TBX4: variants seen among roughly 807,000 people sequenced by gnomAD.
The protein encoded by TBX4 is T-box transcription factor 4.
In TBX4, 13 loss-of-function variants were observed where a neutral mutation model predicts 54.6. That is an observed-to-expected ratio of 0.24 (90% CI 0.15 to 0.38). The LOEUF (loss-of-function observed/expected upper bound fraction) is 0.38, where lower values mean the gene tolerates loss of function less well. Among genes scored for constraint, TBX4 ranks in the 10% least tolerant of loss-of-function variants. The pLI is 1.00. For missense variants in TBX4, 631 were observed against 728.5 expected (o/e 0.87, Z 1.54); for synonymous variants, 314 against 306.7 (o/e 1.02, Z -0.25).
At position 61,480,017 on chromosome 17, in the gene TBX4, A is replaced by G; in HGVS notation, c.791+48A>G. Reference sequence around the variant, plus strand: ...TGGGGCGGGCAGATGGGATTCAGGCACGTGGCCTCTGTGACCCTCGATGTA... The same window carrying G: ...TGGGGCGGGCAGATGGGATTCAGGCGCGTGGCCTCTGTGACCCTCGATGTA... On this transcript the variant is annotated intron_variant, in intron 7 of 8. Coordinates refer to ENST00000644296, the MANE Select transcript of TBX4 (RefSeq NM_001321120.2). The surrounding 1 kb of genome is among the most constrained non-coding windows in gnomAD (Gnocchi z 6.2). The G allele has an allele frequency of 2.5e-6, 4 of 1,612,576 alleles. No individual in the cohort carries two copies. The highest frequency in any genetic ancestry group is 3.4e-6 in the Non-Finnish European group (4 of 1,178,692).
At chr17:61,458,304 G>T (rs2060469609) in intron 3 of TBX4, among the ~76,000 whole-genome samples, 1 of 151,382 alleles carries the variant, frequency 6.6e-6, no homozygotes, top group South Asian at 2.1e-4. Flanking sequence ...GGCGGGGGTG[G>T]GGGTGAGTGA....
intron 5 of TBX4, among the ~76,000 whole-genome samples, chr17:61,467,954 A>G (rs1603251651): frequency 6.6e-6 from 1 of 152,238 alleles, no homozygotes; most frequent in Non-Finnish European, 1.5e-5. Context: ...TGAGACTTAA[A>G]TGAGAGGGTT....
At chr17:61,466,648 A>G (rs936486218) in intron 4 of TBX4, among the ~76,000 whole-genome samples, 1 of 152,184 alleles carries the variant, frequency 6.6e-6, no homozygotes, top group African/African-American at 2.4e-5. Flanking sequence ...AGAGCTGGAG[A>G]GATTGGGCCG....
chr17:61,474,041 G>A lies in TBX4; in HGVS notation c.550-4586G>A, dbSNP rs892355236. ...TCCTTGGATGCACCTCTTATCATCC[G>A]GGGTCTCAGTTTTCTTTCTTTCCTT... On this transcript the variant is annotated intron_variant, in intron 5 of 8. Coordinates refer to ENST00000644296, the MANE Select transcript of TBX4 (RefSeq NM_001321120.2). This position sits in a 1 kb window ranked among gnomAD's most constrained non-coding sequence, Gnocchi z 4.6. 3.9e-5 allele frequency among the ~76,000 whole-genome samples: 6 copies of A among 152,240 alleles called. No individual in the cohort carries two copies. The highest frequency in any genetic ancestry group is 7.4e-5 in the Non-Finnish European group (5 of 68,016).
In TBX4 at chr17:61,462,293, G is replaced by A. The variant is rs2060500227; in HGVS notation, c.282-3526G>A. Among the ~76,000 whole-genome samples the A allele has an allele frequency of 6.6e-6, 1 of 152,308 alleles. No individual in the cohort carries two copies. Among genetic ancestry groups the A allele is most frequent in the Non-Finnish European group, 1.5e-5 (1 of 68,028 alleles). On this transcript the variant is annotated intron_variant, in intron 3 of 8. Transcript: ENST00000644296. This position sits in a 1 kb window ranked among gnomAD's most constrained non-coding sequence, Gnocchi z 4.5. ...CGGGCTTTCATCTCCTCCCGGGCCG[G>A]CGAGCAGGCGGCTTGTTTATTCCCC...
chr17:61,457,663 G>A lies in TBX4; in HGVS notation c.281+32G>A, dbSNP rs2143796450. ...GCTGGGAGATTTACTTCCGGGGATG[G>A]CGGTGGGGAGCAAGGGGGGCCAGGG... On this transcript the variant is annotated intron_variant, in intron 3 of 8. Transcript: ENST00000644296. This position sits in a 1 kb window ranked among gnomAD's most constrained non-coding sequence, Gnocchi z 8.2. 6.2e-7 allele frequency: 1 copy of A among 1,606,708 alleles called. No homozygotes were observed. The highest frequency in any genetic ancestry group is 1.3e-5 in the African/African-American group (1 of 74,916).
intron 4 of TBX4, 130 bp downstream of exon 4, chr17:61,466,068 T>A: frequency 7.0e-7 from 1 of 1,423,176 alleles, no homozygotes; most frequent in Non-Finnish European, 9.8e-7. Context: ...TGGAGTCCAC[T>A]GCCTGGAACT....
rs112616851 is a variant in TBX4 at position 61,476,989 on chromosome 17, C to G, written c.550-1638C>G. ...TGCCATAAAAGAGCCTGACTCTGGC[C>G]TTTCTCTTGGCACTCTGGTCACTAA... On this transcript the variant is annotated intron_variant, in intron 5 of 8. Coordinates refer to ENST00000644296, the MANE Select transcript of TBX4 (RefSeq NM_001321120.2). This position sits in a 1 kb window ranked among gnomAD's most constrained non-coding sequence, Gnocchi z 6.5. 4.4e-3 allele frequency among the ~76,000 whole-genome samples: 669 copies of G among 152,350 alleles called. 12 individuals carry two copies. The highest frequency in any genetic ancestry group is 0.014 in the African/African-American group (601 of 41,584).
chr17:61,458,623 T>C (rs2060472124), intron 3 of TBX4, among the ~76,000 whole-genome samples: 1 of 151,978 alleles, frequency 6.6e-6, no homozygotes, highest in Non-Finnish European at 1.5e-5. Context: ...ACTCAGCTAC[T>C]TTCATCTGTG....
intron 5 of TBX4, among the ~76,000 whole-genome samples, chr17:61,473,498 T>G (rs2060595956): frequency 6.6e-6 from 1 of 152,230 alleles, no homozygotes; most frequent in African/African-American, 2.4e-5. Flanking sequence ...AAGCTTATGC[T>G]GCTAATCTGC....
chr17:61,460,379 C>T lies in TBX4; in HGVS notation c.281+2748C>T, dbSNP rs1194101602. 1.3e-5 allele frequency: 2 copies of T among 152,226 alleles called. No homozygotes were observed. Among genetic ancestry groups the T allele is most frequent in the Non-Finnish European group, 2.9e-5 (2 of 68,062 alleles). The allele number at this position is 152,226 out of a possible 1,614,324, so 9.4% of individuals were successfully genotyped here. On this transcript the variant is annotated intron_variant, in intron 3 of 8. Transcript: ENST00000644296. The surrounding 1 kb of genome is among the most constrained non-coding windows in gnomAD (Gnocchi z 4.4). ...GGTTGAGTTCTCAGATCACAAGTTT[C>T]CTTCCTACCTTAGCCCTTTGGGTCC...
rs1001658506 is a variant in TBX4 at position 61,464,038 on chromosome 17, C to T, written c.282-1781C>T. Among the ~76,000 whole-genome samples, 3 of 152,202 alleles carry T rather than the reference C, an allele frequency of 2.0e-5. No individual in the cohort carries two copies. The highest frequency in any genetic ancestry group is 2.4e-5 in the African/African-American group (1 of 41,444). On this transcript the variant is annotated intron_variant, in intron 3 of 8. Transcript: ENST00000644296. This position sits in a 1 kb window ranked among gnomAD's most constrained non-coding sequence, Gnocchi z 5.8. Reference sequence around the variant, plus strand: ...CCTGAGCCCCTCACTTCCCCCATTCCTGGAGAGGGGGTGGGGTGGGTATTT... The same window carrying T: ...CCTGAGCCCCTCACTTCCCCCATTCTTGGAGAGGGGGTGGGGTGGGTATTT...
Position 61,457,781 on chromosome 17 carries a change from T to C in TBX4, c.281+150T>C, listed in dbSNP as rs994385273. The C allele has an allele frequency of 3.9e-6, 3 of 766,318 alleles. No individual in the cohort carries two copies. Among genetic ancestry groups the C allele is most frequent in the Non-Finnish European group, 6.3e-6 (3 of 473,190 alleles). The allele number at this position is 766,318 out of a possible 1,614,324, so 47.5% of individuals were successfully genotyped here. A position where few individuals can be genotyped will look rare whatever the true frequency, so the allele number is the denominator to read the frequency against. The stretch of plus-strand genomic sequence containing the variant: ...GTCAGTGCCACCTCCCTTCGCAGCT[T>C]GGGACTGGGCCGCCAAAGCCCGCAG... On this transcript the variant is annotated intron_variant, in intron 3 of 8. Coordinates refer to ENST00000644296, the MANE Select transcript of TBX4 (RefSeq NM_001321120.2). The surrounding 1 kb of genome is among the most constrained non-coding windows in gnomAD (Gnocchi z 8.2).
At chr17:61,467,015 TG>T (rs1603251356) in intron 4 of TBX4, among the ~76,000 whole-genome samples, 1 of 152,204 alleles carries the variant, frequency 6.6e-6, no homozygotes, top group East Asian at 1.9e-4. Context: ...AAAAGTTAAC[TG>T]GGCATGGAGG....
intron 1 of TBX4, among the ~76,000 whole-genome samples, chr17:61,455,229 C>T (rs916310320): frequency 6.6e-6 from 1 of 152,184 alleles, no homozygotes; most frequent in African/African-American, 2.4e-5. Context: ...GAAGTCTAAG[C>T]CCGGGATGAG....
intron 1 of TBX4, 46 bp from the exon 2 acceptor site, chr17:61,456,442 C>T: frequency 6.5e-7 from 1 of 1,544,520 alleles, no homozygotes; most frequent in African/African-American, 1.4e-5. Flanking sequence ...GGTCCTCTGG[C>T]GAGTGTGGAC....
chr17:61,479,237 G>A lies in TBX4; in HGVS notation c.702+458G>A, dbSNP rs952869513. 2.0e-5 allele frequency among the ~76,000 whole-genome samples: 3 copies of A among 152,088 alleles called. No homozygotes were observed. The highest frequency in any genetic ancestry group is 7.2e-5 in the African/African-American group (3 of 41,418). ...CCCTTCCCAGGCTGTGATAGGAGGT[G>A]CCCCAGCCACCTCCCACACTCACTA... On this transcript the variant is annotated intron_variant, in intron 6 of 8. Transcript: ENST00000644296. The surrounding 1 kb of genome is among the most constrained non-coding windows in gnomAD (Gnocchi z 6.1).
rs2060662743 is a variant in TBX4, at chr17:61,481,476, GA to G, written c.1021+1158del. The G allele has an allele frequency of 6.6e-6, 1 of 152,350 alleles. No homozygotes were observed. The highest frequency in any genetic ancestry group is 6.5e-5 in the Admixed American group (1 of 15,284). 9.4% of individuals were successfully genotyped at this position (152,350 alleles called of 1,614,324 possible). A position where few individuals can be genotyped will look rare whatever the true frequency, so the allele number is the denominator to read the frequency against. ...CTAGAGTGAGTAGGCCACCTGCCAGGATCAAGAGCTTAGCTCAGGGAGAAGA... is the reference window on the plus strand; with the variant it reads ...CTAGAGTGAGTAGGCCACCTGCCAGGTCAAGAGCTTAGCTCAGGGAGAAGA... On this transcript the variant is annotated intron_variant, in intron 8 of 8. Coordinates refer to ENST00000644296, the MANE Select transcript of TBX4 (RefSeq NM_001321120.2). The surrounding 1 kb of genome is among the most constrained non-coding windows in gnomAD (Gnocchi z 4.8).
chr17:61,457,044 G>A lies in TBX4; in HGVS notation c.186+368G>A, dbSNP rs887914298. Among the ~76,000 whole-genome samples, 1 of 152,230 alleles carries A rather than the reference G, an allele frequency of 6.6e-6. No homozygotes were observed. The highest frequency in any genetic ancestry group is 2.4e-5 in the African/African-American group (1 of 41,478). ...CGAGGGGGCAGGAGGAGGCCACCCC[G>A]CCGGTGCGCACGGGAGCCGCTGCGG... On this transcript the variant is annotated intron_variant, in intron 2 of 8. Coordinates refer to ENST00000644296, the MANE Select transcript of TBX4 (RefSeq NM_001321120.2). The surrounding 1 kb of genome is among the most constrained non-coding windows in gnomAD (Gnocchi z 8.2).
Sources: gnomAD v4.1 joint callset for allele counts (sites outside exome capture counted in the v4.1 genomes callset) on GRCh38, gnomAD v4.1.1 for gene constraint, Gnocchi (gnomAD v3.1) non-coding constraint, MANE v1.5 for transcripts, NCBI Gene and HGNC (gene_info 2026-07-23, HGNC 2026-07-21) for gene names.